KAZN: variants seen among roughly 807,000 people sequenced by gnomAD.
KAZN encodes the protein kazrin, periplakin interacting protein.
A neutral mutation model predicts 87.4 loss-of-function variants in KAZN; 40 were observed. The ratio of observed to expected loss-of-function variants is 0.46; its 90% confidence interval spans 0.36 to 0.60. KAZN has a LOEUF of 0.60. Among genes scored for constraint, KAZN ranks in the 20% least tolerant of loss-of-function variants. KAZN has a pLI of 0.00. For synonymous variants in KAZN, 466 were observed against 458.3 expected (o/e 1.02, Z -0.22); for missense variants, 898 against 1,073.9 (o/e 0.84, Z 2.29).
chr1:14,743,237 G>C (rs1644162124), intron 1 of KAZN, among the ~76,000 whole-genome samples: 1 of 152,060 alleles, frequency 6.6e-6, no homozygotes, highest in Non-Finnish European at 1.5e-5. Context: ...TTCGAGACCA[G>C]CCTGGCCAAC....
chr1:14,628,357 C>G (rs1176720058), intron 1 of KAZN, among the ~76,000 whole-genome samples: 2 of 152,160 alleles, frequency 1.3e-5, no homozygotes, highest in African/African-American at 4.8e-5. Context: ...GGAAATTTGC[C>G]AAGTCGTTTG....
At position 14,422,210 on chromosome 1, in the gene KAZN, A is replaced by G. The variant is rs139389913; in HGVS notation, c.250-176773A>G. On this transcript the variant is annotated intron_variant, in intron 2 of 16. Coordinates refer to the KAZN transcript ENST00000636203. The stretch of plus-strand genomic sequence containing the variant: ...GTTTTGGCTTTGGTTGGTGAGTTTC[A>G]TATTCTGGGTTCTGATGAGATGTGA... Among the ~76,000 whole-genome samples the G allele has an allele frequency of 3.6e-3, 541 of 152,354 alleles. 4 individuals carry two copies. The highest frequency in any genetic ancestry group is 0.012 in the African/African-American group (518 of 41,564).
intron 1 of KAZN, among the ~76,000 whole-genome samples, chr1:13,894,424 A>G (rs1050525823): frequency 4.0e-5 from 6 of 151,732 alleles, no homozygotes; most frequent in Admixed American, 6.6e-5. Context: ...GTGAGGATGG[A>G]TGGCTTGGTG....
At position 13,929,975 on chromosome 1, in the gene KAZN, G is replaced by A. The variant is rs552814603; in HGVS notation, c.91+36219G>A. The stretch of plus-strand genomic sequence containing the variant: ...ATGGTCACAATCTTGGTTGGTTGGA[G>A]CCAGAATTTGAACTCAGGCAATCAG... On this transcript the variant is annotated intron_variant, in intron 1 of 16. Transcript: ENST00000636203. Among the ~76,000 whole-genome samples, 9 of 152,286 alleles carry A rather than the reference G, an allele frequency of 5.9e-5. No individual in the cohort carries two copies. In the South Asian group the frequency reaches 1.7e-3, roughly 28 times the overall value.
At position 14,537,657 on chromosome 1, in the gene KAZN, C is replaced by T. The variant is rs146783772; in HGVS notation, c.250-61326C>T. 9.3e-4 allele frequency among the ~76,000 whole-genome samples: 142 copies of T among 152,296 alleles called. 1 individual carries two copies. The East Asian group carries it at 0.018, about 19-fold the overall frequency. ...ATTATATTGCCTGTTCCCCCTACCT[C>T]GCCAGGTTGGTGGGAAGATCCTATA... On this transcript the variant is annotated intron_variant, in intron 2 of 16. Transcript: ENST00000636203.
chr1:14,797,855 G>T (rs1304784548), intron 1 of KAZN, among the ~76,000 whole-genome samples: 8 of 152,172 alleles, frequency 5.3e-5, no homozygotes, highest in Admixed American at 4.6e-4. Flanking sequence ...CTTGTGGAGT[G>T]CTTAGTGCAA....
intron 1 of KAZN, among the ~76,000 whole-genome samples, chr1:13,944,717 A>G (rs1279113797): frequency 2.6e-5 from 4 of 152,240 alleles, no homozygotes; most frequent in Non-Finnish European, 5.9e-5. Flanking sequence ...AACCACTAAT[A>G]GAAGGGTGAA....
chr1:14,716,531 A>G (rs1312846319), intron 1 of KAZN, among the ~76,000 whole-genome samples: 1 of 151,816 alleles, frequency 6.6e-6, no homozygotes, highest in Non-Finnish European at 1.5e-5. Flanking sequence ...CATTGCAGTA[A>G]CCTCCCTGTC....
chr1:14,619,664 C>A (rs934152069), intron 1 of KAZN, among the ~76,000 whole-genome samples: 9 of 152,184 alleles, frequency 5.9e-5, no homozygotes, highest in African/African-American at 2.2e-4. Context: ...CACACGGAAA[C>A]CCTGTACCCA....
chr1:14,780,172 T>A (rs1572462988), intron 1 of KAZN, among the ~76,000 whole-genome samples: 1 of 152,190 alleles, frequency 6.6e-6, no homozygotes, highest in Non-Finnish European at 1.5e-5. Flanking sequence ...GGCTTTTGAG[T>A]TTGCTGTTGC....
intron 2 of KAZN, among the ~76,000 whole-genome samples, chr1:14,277,746 TAGTC>T (rs984733854): frequency 6.6e-5 from 10 of 152,018 alleles, no homozygotes; most frequent in Admixed American, 2.6e-4. Flanking sequence ...TATTAACTCA[TAGTC>T]AGTTTTCTTT....
intron 2 of KAZN, among the ~76,000 whole-genome samples, chr1:14,435,362 A>G (rs192924726): frequency 1.6e-4 from 24 of 152,354 alleles, no homozygotes; most frequent in Admixed American, 1.4e-3. Flanking sequence ...CACATAGGAC[A>G]GCTAGAGGTG....
intron 1 of KAZN, among the ~76,000 whole-genome samples, chr1:14,713,224 C>T (rs1433245315): frequency 3.4e-5 from 5 of 145,014 alleles, no homozygotes; most frequent in African/African-American, 1.0e-4. Context: ...CAAGAGAGGA[C>T]AAGCTTAATT....
chr1:14,469,021 G>A (rs969694102), intron 2 of KAZN, among the ~76,000 whole-genome samples: 2 of 152,094 alleles, frequency 1.3e-5, no homozygotes, highest in African/African-American at 4.8e-5. Context: ...CTTCTTCGTT[G>A]GCAGAGGCTG....
chr1:14,031,237 C>T lies in KAZN; in HGVS notation c.91+137481C>T, dbSNP rs150261993. Among the ~76,000 whole-genome samples the T allele has an allele frequency of 2.8e-3, 419 of 152,292 alleles. 1 individual carries two copies. The highest frequency in any genetic ancestry group is 4.1e-3 in the Non-Finnish European group (279 of 68,032). ...TGTCCAAATACCATGTGAATATCAA[C>T]AATTCAGACTTCAATAGGGACCCAC... On this transcript the variant is annotated intron_variant, in intron 1 of 16. Transcript: ENST00000636203.
At position 14,700,239 on chromosome 1, in the gene KAZN, G is replaced by C. The variant is rs1013821005; in HGVS notation, c.226+101016G>C. ...ACTTGCCCACGTCATTCTTGAAAATGTGCTGTAACTGATCACGAGGTCAGG... is the reference window on the plus strand; with the variant it reads ...ACTTGCCCACGTCATTCTTGAAAATCTGCTGTAACTGATCACGAGGTCAGG... On this transcript the variant is annotated intron_variant, in intron 1 of 14. Coordinates refer to ENST00000376030, the MANE Select transcript of KAZN (RefSeq NM_201628.3). Among the ~76,000 whole-genome samples, 13 of 152,164 alleles carry C rather than the reference G, an allele frequency of 8.5e-5. 1 individual carries two copies. The highest frequency in any genetic ancestry group is 3.1e-4 in the African/African-American group (13 of 41,432).
intron 2 of KAZN, among the ~76,000 whole-genome samples, chr1:14,185,822 G>GT (rs995971969): frequency 3.3e-5 from 5 of 152,078 alleles, no homozygotes; most frequent in African/African-American, 9.7e-5. Context: ...TGTGTCTAGG[G>GT]TTTTTTTAAA....
intron 1 of KAZN, among the ~76,000 whole-genome samples, chr1:14,650,750 C>G (rs1638310007): frequency 6.6e-6 from 1 of 152,136 alleles, no homozygotes; most frequent in South Asian, 2.1e-4. Flanking sequence ...CATTGAAAAC[C>G]ATGCACATGT....
intron 2 of KAZN, among the ~76,000 whole-genome samples, chr1:14,481,424 G>GA (rs76140764): frequency 0.071 from 10,729 of 151,468 alleles, 492 homozygotes; most frequent in East Asian, 0.15. Context: ...CAATTTTCTA[G>GA]AAAAAAAACT....
Sources: allele counts gnomAD v4.1 joint callset (sites outside exome capture counted in the v4.1 genomes callset), GRCh38; gene constraint gnomAD v4.1.1; transcripts MANE v1.5; gene names NCBI Gene and HGNC (gene_info 2026-07-23, HGNC 2026-07-21).